CMSS1: variants seen among roughly 807,000 people sequenced by gnomAD.
CMSS1 encodes protein CMSS1.
CMSS1 carries 33 observed loss-of-function variants against 43.5 expected under a neutral mutation model. The ratio of observed to expected loss-of-function variants is 0.76; its 90% CI spans 0.57 to 1.01. The LOEUF is 1.01. Ranked by LOEUF, CMSS1 falls within the 50% of genes least tolerant of loss-of-function variation. The probability of loss-of-function intolerance (pLI) is 0.00; values close to 1 mark genes in which losing one functional copy is unlikely to be tolerated. For missense variants in CMSS1, 313 were observed against 326.4 expected, an observed-to-expected ratio of 0.96 and a Z score of 0.32; for synonymous variants, 115 against 117.2, an observed-to-expected ratio of 0.98 and a Z score of 0.12.
intron 2 of CMSS1, among the ~76,000 whole-genome samples, chr3:100,154,387 A>C (rs553476455): frequency 6.6e-6 from 1 of 152,056 alleles, no homozygotes; most frequent in African/African-American, 2.4e-5. Flanking sequence ...CTTCAATTTC[A>C]TAAAAAAAAA....
intron 1 of CMSS1, among the ~76,000 whole-genome samples, chr3:99,922,505 T>A (rs141367754): frequency 5.8e-4 from 88 of 152,258 alleles, no homozygotes; most frequent in Admixed American, 1.9e-3. Flanking sequence ...TGCCATGGAT[T>A]CTCTGGCACT....
chr3:100,033,248 T>C (rs1373152409), intron 1 of CMSS1, among the ~76,000 whole-genome samples: 1 of 152,204 alleles, frequency 6.6e-6, no homozygotes, highest in East Asian at 1.9e-4. Flanking sequence ...CATTGACTGC[T>C]TGCAATTTCC....
rs568390437 is a variant in CMSS1, at chr3:100,138,635, T to G, written c.65-8338T>G. Among the ~76,000 whole-genome samples the G allele has an allele frequency of 2.8e-3, 429 of 152,210 alleles. 1 individual carries two copies. The highest frequency in any genetic ancestry group is 4.1e-3 in the Non-Finnish European group (282 of 68,006). On this transcript the variant is annotated intron_variant, in intron 1 of 9. Coordinates refer to ENST00000421999, the MANE Select transcript of CMSS1 (RefSeq NM_032359.4). ...AGAGAAATGCAAATCAAAACCACAATGAGATACCATCTCATGCAAGTCAGA... is the reference window on the plus strand; with the variant it reads ...AGAGAAATGCAAATCAAAACCACAAGGAGATACCATCTCATGCAAGTCAGA...
intron 1 of CMSS1, among the ~76,000 whole-genome samples, chr3:100,122,921 T>C (rs1433829818): frequency 1.3e-5 from 2 of 152,238 alleles, no homozygotes; most frequent in Non-Finnish European, 2.9e-5. Context: ...AAAAATTTAT[T>C]ATTTGCAATT....
intron 1 of CMSS1, among the ~76,000 whole-genome samples, chr3:100,037,942 T>TTC (rs1453024124): frequency 1.3e-4 from 18 of 136,416 alleles, no homozygotes; most frequent in Non-Finnish European, 4.7e-5. Context: ...CGCTTTTCTT[T>TTC]TTTTTTTTTT....
At chr3:99,916,437 TACACACAC>T (rs10529210) in intron 1 of CMSS1, among the ~76,000 whole-genome samples, 17,744 of 137,080 alleles carry the variant, frequency 0.13, 1,222 homozygotes, top group South Asian at 0.21. Flanking sequence ...TAACGGTTTA[TACACACAC>T]ACACACACAC....
At chr3:99,935,290 T>C (rs1320076813) in intron 1 of CMSS1, among the ~76,000 whole-genome samples, 8 of 152,008 alleles carry the variant, frequency 5.3e-5, no homozygotes, top group Non-Finnish European at 8.8e-5. Flanking sequence ...GAAAGTTGCT[T>C]TTTGTGTATG....
intron 1 of CMSS1, among the ~76,000 whole-genome samples, chr3:99,854,673 C>T (rs1382906407): frequency 2.4e-5 from 2 of 81,786 alleles, no homozygotes; most frequent in East Asian, 9.6e-4. Flanking sequence ...CAGACATTGC[C>T]AAATGTCTCC....
intron 1 of CMSS1, among the ~76,000 whole-genome samples, chr3:100,070,555 A>G (rs750931387): frequency 2.0e-5 from 3 of 152,222 alleles, no homozygotes; most frequent in Admixed American, 6.5e-5. Flanking sequence ...ATGGGGTTGT[A>G]ATAAGATACT....
intron 1 of CMSS1, among the ~76,000 whole-genome samples, chr3:100,049,247 C>A (rs2065329866): frequency 6.6e-6 from 1 of 152,132 alleles, no homozygotes; most frequent in Non-Finnish European, 1.5e-5. Context: ...AAACTGTTCT[C>A]TTGTTTCATT....
chr3:100,099,410 A>G (rs1461478338), intron 1 of CMSS1, among the ~76,000 whole-genome samples: 2 of 152,194 alleles, frequency 1.3e-5, no homozygotes, highest in African/African-American at 4.8e-5. Flanking sequence ...ATAAGATTTT[A>G]TAAGAAACAA....
At chr3:99,985,729 C>T (rs1160189624) in intron 1 of CMSS1, among the ~76,000 whole-genome samples, 4 of 152,040 alleles carry the variant, frequency 2.6e-5, no homozygotes, top group Non-Finnish European at 5.9e-5. Context: ...AATGGGATTA[C>T]AGGCACCTGC....
intron 1 of CMSS1, among the ~76,000 whole-genome samples, chr3:99,900,492 G>A (rs951231680): frequency 6.6e-5 from 10 of 152,296 alleles, no homozygotes; most frequent in South Asian, 6.2e-4. Context: ...GATAGAGTGC[G>A]TTCAGGGTGG....
intron 1 of CMSS1, among the ~76,000 whole-genome samples, chr3:99,870,245 A>G (rs1944723097): frequency 6.6e-6 from 1 of 152,134 alleles, no homozygotes; most frequent in Non-Finnish European, 1.5e-5. Context: ...CAGAGCTAAG[A>G]AGAGTAGAAC....
intron 1 of CMSS1, among the ~76,000 whole-genome samples, chr3:99,963,138 A>T (rs1708543431): frequency 6.6e-6 from 1 of 152,234 alleles, no homozygotes; most frequent in African/African-American, 2.4e-5. Context: ...ATAACAGTGC[A>T]CCAGAGAAAG....
At chr3:100,098,734 C>T (rs2066255398) in intron 1 of CMSS1, among the ~76,000 whole-genome samples, 1 of 152,142 alleles carries the variant, frequency 6.6e-6, no homozygotes, top group Non-Finnish European at 1.5e-5. Context: ...TTGCCGTATA[C>T]AGAGGTGGAA....
chr3:99,925,291 A>G (rs1195260653), intron 1 of CMSS1, among the ~76,000 whole-genome samples: 5 of 152,220 alleles, frequency 3.3e-5, no homozygotes, highest in African/African-American at 1.2e-4. Flanking sequence ...TTTTCACAGC[A>G]CTATACTTAC....
At chr3:99,880,300 A>G (rs1302134065) in intron 1 of CMSS1, among the ~76,000 whole-genome samples, 1 of 152,170 alleles carries the variant, frequency 6.6e-6, no homozygotes, top group Non-Finnish European at 1.5e-5. Flanking sequence ...ACCCACATGA[A>G]ATATACCATA....
intron 8 of CMSS1, among the ~76,000 whole-genome samples, chr3:100,173,760 A>G (rs1458299205): frequency 3.9e-5 from 6 of 152,194 alleles, no homozygotes; most frequent in East Asian, 1.9e-4. Context: ...TGCACATGGT[A>G]TATCACAAGG....
Sources: gnomAD v4.1 joint callset for allele counts (sites outside exome capture counted in the v4.1 genomes callset) on GRCh38, gnomAD v4.1.1 for gene constraint, MANE v1.5 for transcripts, NCBI Gene and HGNC (gene_info 2026-07-23, HGNC 2026-07-21) for gene names.